Variants in PCDHA4 observed in about 807,000 individuals in gnomAD.
PCDHA4 encodes the protein protocadherin alpha 4, also known as protocadherin alpha-4.
PCDHA4 carries 49 observed loss-of-function variants against 61.4 expected under a neutral mutation model. The observed-to-expected ratio is 0.80, with a 90% CI of 0.63 to 1.01. The LOEUF (loss-of-function observed/expected upper bound fraction) is 1.01. Among genes scored for constraint, PCDHA4 ranks in the 50% least tolerant of loss-of-function variants. PCDHA4 has a pLI of 0.00. For missense variants in PCDHA4, 1,254 were observed against 1,235.8 expected, an observed-to-expected ratio of 1.01 and a Z score of -0.22; for synonymous variants, 590 against 550.3, an observed-to-expected ratio of 1.07 and a Z score of -1.01.
chr5:140,850,258 G>A, intron 1 of PCDHA4: 1 of 1,594,156 alleles, frequency 6.3e-7, no homozygotes, highest in South Asian at 1.1e-5. Flanking sequence ...GTGGGCGCCG[G>A]CGTAGTGGTG....
chr5:140,900,271 G>A (rs1055315411), intron 1 of PCDHA4, among the ~76,000 whole-genome samples: 2 of 151,762 alleles, frequency 1.3e-5, no homozygotes, highest in Non-Finnish European at 2.9e-5. Flanking sequence ...TTGTGTATAT[G>A]TACCACACTT....
At chr5:140,989,747 G>A (rs1554251066) in intron 3 of PCDHA4, among the ~76,000 whole-genome samples, 1 of 152,166 alleles carries the variant, frequency 6.6e-6, no homozygotes, top group African/African-American at 2.4e-5. Flanking sequence ...TGCCTAATCT[G>A]GAGAAACATA....
In PCDHA4 at chr5:140,843,150, A is replaced by T; in HGVS notation, c.2385+33578A>T. Reference sequence around the variant, plus strand: ...GGCTACAACGCGTGGCTTTCGTATGAGCTGCAGCCAGCTGCAAGCAGCCCT... The same window carrying T: ...GGCTACAACGCGTGGCTTTCGTATGTGCTGCAGCCAGCTGCAAGCAGCCCT... On this transcript the variant is annotated intron_variant, in intron 1 of 3. Transcript: ENST00000530339. 1.3e-6 allele frequency: 2 copies of T among 1,595,990 alleles called. 1 individual carries two copies. Among genetic ancestry groups the T allele is most frequent in the Non-Finnish European group, 1.7e-6 (2 of 1,165,576 alleles).
At chr5:140,816,331 T>G (rs1325591946) in intron 1 of PCDHA4, 1 of 152,232 alleles carries the variant, frequency 6.6e-6, no homozygotes, top group Non-Finnish European at 1.5e-5. Flanking sequence ...ATTGTATTCT[T>G]CAGTTCCAAA....
intron 1 of PCDHA4, chr5:140,883,677 C>T (rs112867183): frequency 1.2e-6 from 2 of 1,613,726 alleles, no homozygotes. Flanking sequence ...AACAATCCGC[C>T]GGGCTGCCAC....
chr5:140,998,321 G>A lies in PCDHA4; in HGVS notation c.2534-11306G>A, dbSNP rs79793895. On this transcript the variant is annotated intron_variant, in intron 3 of 3. Coordinates refer to ENST00000530339, the MANE Select transcript of PCDHA4 (RefSeq NM_018907.4). ...TTTAGTAAGGGCACCAGGATCTGAA[G>A]CAGGATTGTTTGACTTCTGAGTCTG... is the stretch of plus-strand genomic sequence containing the variant. 9.8e-3 allele frequency among the ~76,000 whole-genome samples: 1,493 copies of A among 152,278 alleles called. 32 individuals carry two copies. The highest frequency in any genetic ancestry group is 0.034 in the African/African-American group (1,408 of 41,548).
intron 1 of PCDHA4, chr5:140,830,239 G>T (rs1770921442): frequency 1.2e-6 from 2 of 1,613,826 alleles, no homozygotes; most frequent in South Asian, 1.1e-5. Context: ...TCACGCTACT[G>T]CTGTACACAG....
At position 140,807,749 on chromosome 5, in the gene PCDHA4, C is replaced by G. The variant is rs782346248; in HGVS notation, c.562C>G (p.Leu188Val). The change falls in exon 1 of 4, where the codon CTG becomes GTG. Residue 188 changes from leucine to valine, a missense_variant. By Grantham distance (32) the Leu-to-Val change is conservative (BLOSUM62 1). Transcript: ENST00000530339. ...FSLEKPPDDELVKGLGLILRK... is the reference protein window; with the variant it reads ...FSLEKPPDDEVVKGLGLILRK... ...TCTGGAAAAACCACCTGATGACGAG[C>G]TGGTAAAAGGTCTTGGGCTTATATT... 1 of 1,614,138 alleles carries G rather than the reference C, an allele frequency of 6.2e-7. No individual in the cohort carries two copies. Among genetic ancestry groups the G allele is most frequent in the South Asian group, 1.1e-5 (1 of 91,074 alleles).
At position 140,857,233 on chromosome 5, in the gene PCDHA4, G is replaced by A. The variant is rs1308790390; in HGVS notation, c.2385+47661G>A. The A allele has an allele frequency of 4.4e-6, 7 of 1,598,456 alleles. 1 individual carries two copies. Among genetic ancestry groups the A allele is most frequent in the Non-Finnish European group, 6.0e-6 (7 of 1,167,974 alleles). On this transcript the variant is annotated intron_variant, in intron 1 of 3. Coordinates refer to ENST00000530339, the MANE Select transcript of PCDHA4 (RefSeq NM_018907.4). Reference sequence around the variant, plus strand: ...CTCTGACGCCTCACGTTCCGTTCAAGCTGGTGTCCACCTACAAGAATTACT... The same window carrying A: ...CTCTGACGCCTCACGTTCCGTTCAAACTGGTGTCCACCTACAAGAATTACT...
chr5:140,964,969 G>T (rs2095866914), intron 1 of PCDHA4, among the ~76,000 whole-genome samples: 1 of 152,190 alleles, frequency 6.6e-6, no homozygotes, highest in South Asian at 2.1e-4. Flanking sequence ...TGGAACGAAG[G>T]GATGTGCTAG....
chr5:140,837,446 TA>T (rs1775051312), intron 1 of PCDHA4, among the ~76,000 whole-genome samples: 1 of 151,960 alleles, frequency 6.6e-6, no homozygotes, highest in South Asian at 2.1e-4. Flanking sequence ...TAGTACGTAG[TA>T]AAAAATCTCC....
In PCDHA4 at chr5:140,808,651, G is replaced by C. The variant is rs144041965; in HGVS notation, c.1464G>C (p.Ala488=). 19 of 1,613,192 alleles carry C rather than the reference G, an allele frequency of 1.2e-5. No individual in the cohort carries two copies. Among genetic ancestry groups the C allele is most frequent in the Admixed American group, 1.7e-5 (1 of 60,008 alleles). Residue 488 remains alanine (A), a synonymous_variant, in exon 1 of 4, where the codon GCG becomes GCC. Transcript: ENST00000530339. ...SAWDADAQEN[A]LVSYSLVERR... ...GGGACGCGGACGCGCAGGAGAACGC[G>C]CTGGTGTCCTACTCGCTGGTAGAGC...
chr5:140,870,623 T>C, intron 1 of PCDHA4: 1 of 1,613,108 alleles, frequency 6.2e-7, no homozygotes. Context: ...TCGAGCTACG[T>C]GTCGGTGCAC....
In PCDHA4 at chr5:140,969,008, G is replaced by C. The variant is rs782541476; in HGVS notation, c.2386-9941G>C. 29 of 1,614,076 alleles carry C rather than the reference G, an allele frequency of 1.8e-5. 1 individual carries two copies. In the Admixed American group the frequency reaches 4.8e-4, roughly 27 times the overall value. Reference sequence around the variant, plus strand: ...TGCATGCTGTGGAGGCTTCTGTGGAGTAAGGGAAAGGTCCCCTGCAGAACT... The same window carrying C: ...TGCATGCTGTGGAGGCTTCTGTGGACTAAGGGAAAGGTCCCCTGCAGAACT... On this transcript the variant is annotated intron_variant, in intron 1 of 3. Coordinates refer to ENST00000530339, the MANE Select transcript of PCDHA4 (RefSeq NM_018907.4).
intron 3 of PCDHA4, among the ~76,000 whole-genome samples, chr5:140,994,753 G>A (rs143791883): frequency 1.1e-4 from 16 of 152,252 alleles, no homozygotes; most frequent in African/African-American, 3.9e-4. Context: ...AGTAGGATGT[G>A]GAGAGGAAGA....
chr5:140,987,213 C>CA (rs58319157), intron 3 of PCDHA4, among the ~76,000 whole-genome samples: 3,048 of 118,770 alleles, frequency 0.026, 41 homozygotes, highest in Middle Eastern at 0.12. Flanking sequence ...GACTCCATCT[C>CA]AAAAAAAAAA....
intron 1 of PCDHA4, among the ~76,000 whole-genome samples, chr5:140,964,181 T>A (rs1563333888): frequency 6.6e-6 from 1 of 152,218 alleles, no homozygotes; most frequent in African/African-American, 2.4e-5. Context: ...ATCATTATAG[T>A]GCCAAATAGA....
intron 3 of PCDHA4, among the ~76,000 whole-genome samples, chr5:141,004,743 T>G (rs1554259718): frequency 6.6e-6 from 1 of 152,182 alleles, no homozygotes; most frequent in Admixed American, 6.5e-5. Flanking sequence ...CTCTTTTGTC[T>G]CAGTCTCTTA....
chr5:140,899,584 G>A (rs2153464513), intron 1 of PCDHA4, among the ~76,000 whole-genome samples: 1 of 152,292 alleles, frequency 6.6e-6, no homozygotes, highest in African/African-American at 2.4e-5. Flanking sequence ...CGGTTTGCCA[G>A]TATTTTATTG....
Sources: allele counts gnomAD v4.1 joint callset (sites outside exome capture counted in the v4.1 genomes callset), GRCh38; gene constraint gnomAD v4.1.1; transcripts MANE v1.5; gene names NCBI Gene and HGNC (gene_info 2026-07-23, HGNC 2026-07-21).